CA2: variants seen among roughly 807,000 people sequenced by gnomAD.
The protein encoded by CA2 is carbonate dehydratase II.
A neutral mutation model predicts 27.8 loss-of-function variants in CA2; 23 were observed. The ratio of observed to expected loss-of-function variants is 0.83; its 90% CI spans 0.59 to 1.17. The LOEUF is 1.17. Ranked by LOEUF, CA2 falls within the 50% of genes most tolerant of loss-of-function variation. CA2 has a pLI of 0.00. For synonymous variants in CA2, 99 were observed against 114.9 expected (o/e 0.86, Z 0.88); for missense variants, 300 against 314.7 (o/e 0.95, Z 0.35).
intron 2 of CA2, among the ~76,000 whole-genome samples, chr8:85,470,182 C>T (rs1018107686): frequency 1.3e-5 from 2 of 152,088 alleles, no homozygotes; most frequent in East Asian, 1.9e-4. Context: ...TTTACTCTAG[C>T]GAAAGTGACA....
At chr8:85,473,937 C>T (rs1811747916) in intron 3 of CA2, 126 bp downstream of exon 3, 1 of 720,214 alleles carries the variant, frequency 1.4e-6, no homozygotes, top group Non-Finnish European at 2.5e-6. Flanking sequence ...TACAAAGGAC[C>T]TTCACATTTG....
At chr8:85,480,589 T>A in intron 6 of CA2, 81 bp from the exon 7 acceptor site, 1 of 1,420,098 alleles carries the variant, frequency 7.0e-7, no homozygotes, top group Non-Finnish European at 9.9e-7. Flanking sequence ...GGCCGGGGAA[T>A]GTATTTAAAG....
chr8:85,475,964 G>A lies in CA2; in HGVS notation c.507+104G>A. The A allele has an allele frequency of 3.5e-6, 3 of 853,372 alleles. No homozygotes were observed. The South Asian group carries it at 4.2e-5, about 12-fold the overall frequency. The allele number at this position is 853,372 out of a possible 1,614,324, so 52.9% of individuals were successfully genotyped here. ...AATTGCACAGTCTCAATGACATGTG[G>A]TGTTTGGATGAGCAGTTAGTAAAGG... On this transcript the variant is annotated intron_variant, in intron 5 of 6. Coordinates refer to ENST00000285379, the MANE Select transcript of CA2 (RefSeq NM_000067.3).
intron 3 of CA2, 117 bp downstream of exon 3, chr8:85,473,928 A>G (rs1371400458): frequency 1.3e-6 from 1 of 742,886 alleles, no homozygotes; most frequent in Non-Finnish European, 2.5e-6. Context: ...CACTTCTTTT[A>G]CAAAGGACCT....
intron 4 of CA2, 135 bp from the exon 5 acceptor site, chr8:85,475,663 G>A (rs1208379666): frequency 5.2e-6 from 4 of 766,040 alleles, no homozygotes; most frequent in Non-Finnish European, 9.3e-6. Flanking sequence ...AGCCAGTACT[G>A]ATGGGGGTCA....
chr8:85,480,478 G>A (rs925136705), intron 6 of CA2, among the ~76,000 whole-genome samples, 192 bp from the exon 7 acceptor site: 1 of 149,680 alleles, frequency 6.7e-6, no homozygotes, highest in Non-Finnish European at 1.5e-5. Context: ...GTTTCACCAT[G>A]TTGGCCAGGC....
rs1564077024 is a variant in CA2, at chr8:85,465,316, C to CG, written c.80dup (p.Gln28ProfsTer5). The CG allele has an allele frequency of 6.2e-7, 1 of 1,614,110 alleles. No individual in the cohort carries two copies. Among genetic ancestry groups the CG allele is most frequent in the Admixed American group, 1.7e-5 (1 of 60,028 alleles). ...GGACTTCCCCATTGCCAAGGGAGAG[C>CG]GCCAGTCCCCTGTTGACATCGACAC... On this transcript the variant is annotated frameshift_variant, in exon 2 of 7. Coordinates refer to ENST00000285379, the MANE Select transcript of CA2 (RefSeq NM_000067.3). LOFTEE classifies it high-confidence loss of function.
chr8:85,477,415 G>C (rs908080972), intron 6 of CA2, 140 bp downstream of exon 6: 4 of 946,974 alleles, frequency 4.2e-6, no homozygotes, highest in Non-Finnish European at 5.1e-6. Context: ...CTTTGATGGT[G>C]CCTAGCAAAT....
At position 85,480,956 on chromosome 8, in the gene CA2, T is replaced by C; in HGVS notation, c.*167T>C. On this transcript the variant is annotated 3_prime_UTR_variant, in exon 7 of 7. Coordinates refer to ENST00000285379, the MANE Select transcript of CA2 (RefSeq NM_000067.3). ...TAATAAAATGTGAAGACTAGACCAA[T>C]TGTCATGCTTGACACAACTGCTGTG... 2.9e-6 allele frequency: 2 copies of C among 686,442 alleles called. No homozygotes were observed. Among genetic ancestry groups the C allele is most frequent in the East Asian group, 2.8e-5 (1 of 35,222 alleles). 42.5% of individuals were successfully genotyped at this position (686,442 alleles called of 1,614,324 possible). A position where few individuals can be genotyped will look rare whatever the true frequency, so the allele number is the denominator to read the frequency against.
At chr8:85,474,491 A>G (rs1811761282) in intron 4 of CA2, 75 bp downstream of exon 4, 1 of 1,092,816 alleles carries the variant, frequency 9.2e-7, no homozygotes, top group East Asian at 2.4e-5. Context: ...TGTAACATAC[A>G]GGACATTCTA....
chr8:85,464,945 T>G (rs1423146575), intron 1 of CA2: 22 of 289,438 alleles, frequency 7.6e-5, no homozygotes, highest in Non-Finnish European at 1.3e-5. Context: ...GCCCTGACAT[T>G]AGTGTCTGCC....
Position 85,480,764 on chromosome 8 carries a change from G to A in CA2, c.758G>A (p.Arg253Lys). 1 of 1,613,902 alleles carries A rather than the reference G, an allele frequency of 6.2e-7. No individual in the cohort carries two copies. The highest frequency in any genetic ancestry group is 8.5e-7 in the Non-Finnish European group (1 of 1,179,886). The change falls in exon 7 of 7, where the codon AGG (arginine) becomes AAG (lysine). Residue 253 changes from arginine (R) to lysine (K), a missense_variant. Transcript: ENST00000285379. ...NWRPAQPLKN[R>K]QIKASFK is the part of the protein sequence containing the mutation. ...CGCCCAGCTCAGCCACTGAAGAACAGGCAAATCAAAGCTTCCTTCAAATAA... is the reference window on the plus strand; with the variant it reads ...CGCCCAGCTCAGCCACTGAAGAACAAGCAAATCAAAGCTTCCTTCAAATAA...
chr8:85,468,877 G>A (rs1370863649), intron 2 of CA2, among the ~76,000 whole-genome samples: 2 of 149,714 alleles, frequency 1.3e-5, no homozygotes, highest in Admixed American at 6.7e-5. Context: ...GGCTCTCAAA[G>A]CCAAAACAAA....
Position 85,467,609 on chromosome 8 carries a change from T to C in CA2, c.232+2140T>C, listed in dbSNP as rs111877633. Among the ~76,000 whole-genome samples, 688 of 152,358 alleles carry C rather than the reference T, an allele frequency of 4.5e-3. 6 individuals carry two copies. Among genetic ancestry groups the C allele is most frequent in the African/African-American group, 0.015 (639 of 41,572 alleles). On this transcript the variant is annotated intron_variant, in intron 2 of 6. Transcript: ENST00000285379. The stretch of plus-strand genomic sequence containing the variant: ...AGATTAGTTCCCATCATTTGATGTA[T>C]TTTAAATTTTTATTTTTATATTTTC...
At chr8:85,478,090 T>C (rs1811832252) in intron 6 of CA2, among the ~76,000 whole-genome samples, 1 of 152,246 alleles carries the variant, frequency 6.6e-6, no homozygotes. Flanking sequence ...ATAGAGATCA[T>C]GTTGTCCAAC....
intron 6 of CA2, among the ~76,000 whole-genome samples, chr8:85,478,571 C>T (rs1024653799): frequency 2.0e-4 from 31 of 152,250 alleles, no homozygotes; most frequent in African/African-American, 7.2e-4. Context: ...ATGGTGTATA[C>T]ACACCCACAG....
At chr8:85,468,109 T>C (rs1811656282) in intron 2 of CA2, among the ~76,000 whole-genome samples, 1 of 152,208 alleles carries the variant, frequency 6.6e-6, no homozygotes, top group Non-Finnish European at 1.5e-5. Context: ...CAAGGAACTA[T>C]GGAAACGTGA....
rs112597132 is a variant in CA2, at chr8:85,474,468, C to T, written c.444+52C>T. 49,990 of 1,259,634 alleles carry T rather than the reference C, an allele frequency of 0.04. 1,253 individuals carry two copies. Among genetic ancestry groups the T allele is most frequent in the Middle Eastern group, 0.047 (253 of 5,384 alleles). 78.0% of individuals were successfully genotyped at this position (1,259,634 alleles called of 1,614,324 possible). ...TTCCCTATTTTTAATAAAGAATGAC[C>T]AGACAGAGTATTTGTAACATACAGG... On this transcript the variant is annotated intron_variant, in intron 4 of 6. Transcript: ENST00000285379.
Position 85,480,898 on chromosome 8 carries a change from C to G in CA2, c.*109C>G, listed in dbSNP as rs1393586173. ...CCCTGGTTGCTTTGTGTCTAGTTTT[C>G]TAGACCCTTCATCTCTTACTTGATA... On this transcript the variant is annotated 3_prime_UTR_variant, in exon 7 of 7. Coordinates refer to ENST00000285379, the MANE Select transcript of CA2 (RefSeq NM_000067.3). 1 of 1,126,498 alleles carries G rather than the reference C, an allele frequency of 8.9e-7. No homozygotes were observed. The highest frequency in any genetic ancestry group is 2.5e-5 in the East Asian group (1 of 40,378). The allele number at this position is 1,126,498 out of a possible 1,614,324, so 69.8% of individuals were successfully genotyped here.
Sources: allele counts gnomAD v4.1 joint callset (sites outside exome capture counted in the v4.1 genomes callset), GRCh38; gene constraint gnomAD v4.1.1; transcripts MANE v1.5; gene names NCBI Gene and HGNC (gene_info 2026-07-23, HGNC 2026-07-21).